The following AP2B1 variants were observed in gnomAD, a reference collection of about 807,000 sequenced individuals.
The protein encoded by AP2B1 is adaptor related protein complex 2 subunit beta 1.
AP2B1 carries 23 observed loss-of-function variants against 102.0 expected under a neutral mutation model. The ratio of observed to expected loss-of-function variants is 0.23; its 90% CI spans 0.16 to 0.32. The LOEUF (loss-of-function observed/expected upper bound fraction) is 0.32, where lower values mean the gene tolerates loss of function less well. Among genes scored for constraint, AP2B1 ranks in the 10% least tolerant of loss-of-function variants. AP2B1 has a pLI of 1.00. For synonymous variants in AP2B1, 381 were observed against 421.2 expected, an observed-to-expected ratio of 0.90 and a Z score of 1.17; for missense variants, 541 against 1,157.4, an observed-to-expected ratio of 0.47 and a Z score of 7.73.
At chr17:35,691,632 G>A (rs1234156439) in intron 18 of AP2B1, among the ~76,000 whole-genome samples, 1 of 152,212 alleles carries the variant, frequency 6.6e-6, no homozygotes, top group Non-Finnish European at 1.5e-5. Context: ...CCTTGAAGTG[G>A]TGGATCTTTC....
intron 20 of AP2B1, among the ~76,000 whole-genome samples, chr17:35,711,888 C>T (rs868954514): frequency 1.3e-5 from 2 of 152,156 alleles, no homozygotes; most frequent in Admixed American, 1.3e-4. Flanking sequence ...CCTGTGATAC[C>T]TCTTTTAAAT....
At chr17:35,659,869 A>G (rs2075318572) in intron 14 of AP2B1, 1 of 985,336 alleles carries the variant, frequency 1.0e-6, no homozygotes, top group Non-Finnish European at 1.2e-6. Flanking sequence ...TTTGCTTTGG[A>G]TCCGTATGTG....
intron 18 of AP2B1, among the ~76,000 whole-genome samples, chr17:35,692,840 A>G (rs587720060): frequency 3.3e-5 from 5 of 152,162 alleles, no homozygotes; most frequent in African/African-American, 1.2e-4. Flanking sequence ...TCTGTTTCAA[A>G]CCCTATCTGT....
chr17:35,632,750 A>G (rs1024266503), intron 9 of AP2B1, among the ~76,000 whole-genome samples: 4 of 151,856 alleles, frequency 2.6e-5, no homozygotes, highest in Non-Finnish European at 4.4e-5. Context: ...TCAAATGTTT[A>G]TACATCATGA....
At chr17:35,647,095 G>A (rs1238788305) in intron 12 of AP2B1, among the ~76,000 whole-genome samples, 2 of 152,084 alleles carry the variant, frequency 1.3e-5, no homozygotes, top group African/African-American at 4.8e-5. Flanking sequence ...TAAGATAAAT[G>A]CAGTGTTTAA....
At chr17:35,709,124 G>A (rs782023541) in intron 18 of AP2B1, 100 bp from the exon 19 acceptor site, 76 of 994,634 alleles carry the variant, frequency 7.6e-5, no homozygotes, top group Non-Finnish European at 1.0e-4. Flanking sequence ...AGAGAAAGAG[G>A]AAGGAAATAG....
intron 14 of AP2B1, 100 bp from the exon 15 acceptor site, chr17:35,670,757 C>T (rs2075569615): frequency 6.4e-6 from 8 of 1,252,812 alleles, no homozygotes; most frequent in Middle Eastern, 3.8e-4. Context: ...CATGTATTTC[C>T]AGCAACTTGG....
At chr17:35,603,443 C>T (rs1211344541) in intron 3 of AP2B1, among the ~76,000 whole-genome samples, 1 of 152,126 alleles carries the variant, frequency 6.6e-6, no homozygotes, top group Non-Finnish European at 1.5e-5. Flanking sequence ...AAATTTGTTT[C>T]CTGTGGCTTA....
chr17:35,610,417 G>T (rs1454966684), intron 5 of AP2B1, among the ~76,000 whole-genome samples: 1 of 151,884 alleles, frequency 6.6e-6, no homozygotes, highest in Non-Finnish European at 1.5e-5. Context: ...AAAGTGCTGG[G>T]ATTACAGGCA....
At chr17:35,674,126 C>T in intron 16 of AP2B1, 50 bp from the exon 17 acceptor site, 3 of 1,537,040 alleles carry the variant, frequency 2.0e-6, no homozygotes, top group Non-Finnish European at 2.7e-6. Flanking sequence ...AAATGCATAG[C>T]ATCAAGATAA....
chr17:35,682,605 A>G (rs925418718), intron 17 of AP2B1, 90 bp from the exon 18 acceptor site: 6 of 1,393,812 alleles, frequency 4.3e-6, no homozygotes, highest in South Asian at 3.7e-5. Flanking sequence ...CAGCCTCCCA[A>G]AATGCTGGGA....
At chr17:35,649,808 C>G (rs545008988) in intron 12 of AP2B1, among the ~76,000 whole-genome samples, 24 of 152,262 alleles carry the variant, frequency 1.6e-4, no homozygotes, top group African/African-American at 4.8e-4. Context: ...GTTGCCCAGT[C>G]TGGAGTGCAG....
intron 10 of AP2B1, among the ~76,000 whole-genome samples, chr17:35,636,848 G>T (rs542539378): frequency 5.3e-5 from 8 of 152,230 alleles, no homozygotes; most frequent in African/African-American, 1.9e-4. Context: ...TATAAGTTTG[G>T]ATGATATATC....
At chr17:35,713,259 A>T (rs1256213384) in intron 20 of AP2B1, among the ~76,000 whole-genome samples, 1 of 152,256 alleles carries the variant, frequency 6.6e-6, no homozygotes, top group Non-Finnish European at 1.5e-5. Context: ...AATGAATCAG[A>T]TTCCAGTGAT....
chr17:35,701,176 C>T (rs2076232375), intron 18 of AP2B1, among the ~76,000 whole-genome samples: 2 of 151,890 alleles, frequency 1.3e-5, no homozygotes, highest in African/African-American at 4.8e-5. Flanking sequence ...AGTGTATACA[C>T]ACACAATATG....
chr17:35,594,514 G>A (rs1244983762), intron 2 of AP2B1, among the ~76,000 whole-genome samples: 1 of 152,150 alleles, frequency 6.6e-6, no homozygotes, highest in African/African-American at 2.4e-5. Flanking sequence ...AGGGAACTTG[G>A]TGTATATCCT....
At chr17:35,601,907 AG>A in intron 3 of AP2B1, among the ~76,000 whole-genome samples, 1 of 149,088 alleles carries the variant, frequency 6.7e-6, no homozygotes, top group Admixed American at 6.7e-5. Context: ...TCTCCCGAGT[AG>A]CTGGGATTAC....
intron 19 of AP2B1, 98 bp downstream of exon 19, chr17:35,709,406 TAA>T: frequency 1.1e-6 from 1 of 911,736 alleles, no homozygotes. Context: ...ATTTTGAGGT[TAA>T]AAAAAAATGG....
At chr17:35,670,425 C>G (rs568509453) in intron 14 of AP2B1, among the ~76,000 whole-genome samples, 1 of 152,202 alleles carries the variant, frequency 6.6e-6, no homozygotes, top group South Asian at 2.1e-4. Flanking sequence ...TTTGGCTTTT[C>G]CTTTTCCAAC....
Sources: allele counts gnomAD v4.1 joint callset (sites outside exome capture counted in the v4.1 genomes callset), GRCh38; gene constraint gnomAD v4.1.1; transcripts MANE v1.5; gene names NCBI Gene and HGNC (gene_info 2026-07-23, HGNC 2026-07-21).